CACNB4: variants seen among roughly 807,000 people sequenced by gnomAD.
CACNB4 encodes the protein calcium voltage-gated channel auxiliary subunit beta 4.
CACNB4 carries 32 observed loss-of-function variants against 71.2 expected under a neutral mutation model. The observed-to-expected ratio is 0.45, with a 90% CI of 0.34 to 0.60. The LOEUF (loss-of-function observed/expected upper bound fraction) is 0.60, where lower values mean the gene tolerates loss of function less well. Ranked by LOEUF, CACNB4 falls within the 20% of genes least tolerant of loss-of-function variation. CACNB4 has a pLI of 0.01. For missense variants in CACNB4, 464 were observed against 647.9 expected, an observed-to-expected ratio of 0.72 and a Z score of 3.08; for synonymous variants, 231 against 236.9, an observed-to-expected ratio of 0.97 and a Z score of 0.23.
intron 4 of CACNB4, 139 bp downstream of exon 4, chr2:151,880,661 G>T: frequency 1.2e-6 from 1 of 807,386 alleles, no homozygotes; most frequent in Non-Finnish European, 2.0e-6. Flanking sequence ...AGAATGACTA[G>T]ATTTGGGAGG....
rs1682966184 is a variant in CACNB4 at position 152,009,999 on chromosome 2, TC to T, written c.147+88330del. 2.0e-5 allele frequency among the ~76,000 whole-genome samples: 3 copies of T among 152,368 alleles called. No individual in the cohort carries two copies. In the South Asian group the frequency reaches 6.2e-4, roughly 32 times the overall value. The stretch of plus-strand genomic sequence containing the variant: ...AGATTAACATTTAAGTTATATCTGT[TC>T]TTAAAAGAAAACATTAATACTGAGT... On this transcript the variant is annotated intron_variant, in intron 2 of 13. Coordinates refer to ENST00000539935, the MANE Select transcript of CACNB4 (RefSeq NM_000726.5).
intron 2 of CACNB4, among the ~76,000 whole-genome samples, chr2:152,009,166 G>A (rs1401320473): frequency 1.3e-5 from 2 of 150,368 alleles, no homozygotes; most frequent in Non-Finnish European, 3.0e-5. Context: ...ACTCTAGCCT[G>A]GGAAACAGTG....
chr2:152,020,822 C>G (rs1290225584), intron 2 of CACNB4, among the ~76,000 whole-genome samples: 1 of 152,156 alleles, frequency 6.6e-6, no homozygotes, highest in Non-Finnish European at 1.5e-5. Flanking sequence ...TGGAAGCAGG[C>G]AAAAACCTAA....
chr2:151,966,532 G>C (rs1359106441), intron 2 of CACNB4, among the ~76,000 whole-genome samples: 1 of 152,116 alleles, frequency 6.6e-6, no homozygotes, highest in African/African-American at 2.4e-5. Flanking sequence ...ACCCACCTCA[G>C]CCTTCCAAAG....
chr2:151,866,928 G>A (rs554613172), intron 9 of CACNB4: 5 of 151,772 alleles, frequency 3.3e-5, no homozygotes, highest in African/African-American at 4.8e-5. Context: ...AGTAGTATGT[G>A]TACAGTAATG....
At chr2:152,003,834 AAAAAAAAAACCTTACTTT>A in intron 2 of CACNB4, among the ~76,000 whole-genome samples, 1 of 137,632 alleles carries the variant, frequency 7.3e-6, no homozygotes, top group African/African-American at 2.6e-5. Context: ...GAAATTAATA[AAAAAAAAAACCTTACTTT>A]AAAAAAAAAC....
At chr2:151,864,572 G>A (rs2099842599) in intron 9 of CACNB4, among the ~76,000 whole-genome samples, 1 of 152,294 alleles carries the variant, frequency 6.6e-6, no homozygotes, top group African/African-American at 2.4e-5. Flanking sequence ...TATTAGTAGG[G>A]AAGAGTGTTC....
chr2:151,934,769 G>A (rs1347006802), intron 2 of CACNB4, among the ~76,000 whole-genome samples: 2 of 152,246 alleles, frequency 1.3e-5, no homozygotes, highest in East Asian at 3.9e-4. Context: ...CCCGGGAGGC[G>A]GAGGTTGCAG....
At chr2:151,952,445 G>A (rs2099867149) in intron 2 of CACNB4, among the ~76,000 whole-genome samples, 2 of 152,138 alleles carry the variant, frequency 1.3e-5, no homozygotes, top group Admixed American at 1.3e-4. Flanking sequence ...TCTTACTGGG[G>A]GTCTCCTCTT....
intron 2 of CACNB4, among the ~76,000 whole-genome samples, chr2:151,934,334 C>T (rs6730903): frequency 7.9e-5 from 12 of 152,328 alleles, no homozygotes; most frequent in African/African-American, 2.9e-4. Flanking sequence ...CTATGCCTAC[C>T]GACAGATACA....
intron 10 of CACNB4, chr2:151,859,388 A>G (rs1309206761): frequency 2.0e-5 from 3 of 152,206 alleles, no homozygotes; most frequent in Non-Finnish European, 4.4e-5. Context: ...GCCTCTCACC[A>G]TACATTAGAA....
chr2:151,941,737 C>T (rs1337038420), intron 2 of CACNB4, among the ~76,000 whole-genome samples: 2 of 152,116 alleles, frequency 1.3e-5, no homozygotes, highest in Non-Finnish European at 2.9e-5. Context: ...TGGACATACA[C>T]ATAATACCAA....
At chr2:152,068,742 T>C (rs764745742) in intron 2 of CACNB4, among the ~76,000 whole-genome samples, 1 of 152,088 alleles carries the variant, frequency 6.6e-6, no homozygotes, top group African/African-American at 2.4e-5. Context: ...ATCATTAGTA[T>C]AGATTTATTA....
chr2:151,839,159 G>A lies in CACNB4; in HGVS notation c.1523C>T (p.Ser508Leu). The change falls in exon 14 of 14, where the codon TCA becomes TTA. Residue 508 changes from serine to leucine, a missense_variant. Transcript: ENST00000539935. ...DTYKPHRNRG[S>L]PGGYSHDSRH... ...GGAGTCATGGCTATATCCCCCAGGTGATCCTCGGTTCCTATGGGGTTTGTA... is the reference window on the plus strand; with the variant it reads ...GGAGTCATGGCTATATCCCCCAGGTAATCCTCGGTTCCTATGGGGTTTGTA... 1 of 1,613,548 alleles carries A rather than the reference G, an allele frequency of 6.2e-7. No individual in the cohort carries two copies. The highest frequency in any genetic ancestry group is 8.5e-7 in the Non-Finnish European group (1 of 1,179,536).
intron 2 of CACNB4, among the ~76,000 whole-genome samples, chr2:151,892,424 G>C (rs1053112279): frequency 2.0e-5 from 3 of 151,994 alleles, no homozygotes; most frequent in African/African-American, 7.2e-5. Flanking sequence ...AATATAGCTT[G>C]GTTTAGAAGA....
chr2:151,885,945 A>AG (rs1428715243), intron 2 of CACNB4, among the ~76,000 whole-genome samples: 1 of 152,120 alleles, frequency 6.6e-6, no homozygotes, highest in Non-Finnish European at 1.5e-5. Context: ...CCAGAGTAAG[A>AG]GAAAAAAAAA....
chr2:152,085,302 C>T (rs925861185), intron 2 of CACNB4, among the ~76,000 whole-genome samples: 20 of 151,944 alleles, frequency 1.3e-4, no homozygotes, highest in African/African-American at 3.6e-4. Flanking sequence ...TGTTGGGGTG[C>T]GCTTTGTTAA....
At chr2:152,016,542 T>TA (rs964707737) in intron 2 of CACNB4, among the ~76,000 whole-genome samples, 19 of 152,082 alleles carry the variant, frequency 1.2e-4, no homozygotes, top group African/African-American at 4.6e-4. Flanking sequence ...ACCAATCTAT[T>TA]AAAAAAAATT....
chr2:152,006,962 A>G (rs898610633), intron 2 of CACNB4, among the ~76,000 whole-genome samples: 4 of 152,078 alleles, frequency 2.6e-5, no homozygotes, highest in Admixed American at 6.6e-5. Flanking sequence ...GCCTTAAGTA[A>G]TCTTCCCTTT....
Sources: gnomAD v4.1 joint callset for allele counts (sites outside exome capture counted in the v4.1 genomes callset) on GRCh38, gnomAD v4.1.1 for gene constraint, MANE v1.5 for transcripts, NCBI Gene and HGNC (gene_info 2026-07-23, HGNC 2026-07-21) for gene names.